Variants in ZNF536 observed in about 807,000 individuals in gnomAD.
ZNF536 encodes zinc finger protein 536.
ZNF536 carries 13 observed loss-of-function variants against 84.5 expected under a neutral mutation model. The observed-to-expected ratio is 0.15, with a 90% CI of 0.10 to 0.24. ZNF536 has a LOEUF of 0.24. Ranked by LOEUF, ZNF536 falls within the 10% of genes least tolerant of loss-of-function variation. The pLI, the probability that ZNF536 is intolerant of heterozygous loss-of-function variation, is 1.00. For synonymous variants in ZNF536, 811 were observed against 742.5 expected (o/e 1.09, Z -1.50); for missense variants, 1,536 against 1,747.5 (o/e 0.88, Z 2.16).
chr19:30,440,311 G>A (rs573333988), intron 1 of ZNF536, among the ~76,000 whole-genome samples: 1 of 152,118 alleles, frequency 6.6e-6, no homozygotes, highest in Non-Finnish European at 1.5e-5. Context: ...CTCAGTGGTA[G>A]CCAGGGACCC....
intron 2 of ZNF536, among the ~76,000 whole-genome samples, chr19:30,494,586 C>T (rs1388337259): frequency 1.3e-5 from 2 of 152,162 alleles, no homozygotes; most frequent in Admixed American, 1.3e-4. Context: ...TGTCATCCCT[C>T]CTTCCTTCCA....
chr19:30,269,271 G>A (rs1388095824), intron 1 of ZNF536, among the ~76,000 whole-genome samples: 1 of 152,214 alleles, frequency 6.6e-6, no homozygotes, highest in Non-Finnish European at 1.5e-5. Flanking sequence ...CCGGAGAGGA[G>A]CAGGTTGAAC....
At chr19:30,417,295 C>A (rs1300032620) in intron 1 of ZNF536, among the ~76,000 whole-genome samples, 1 of 151,780 alleles carries the variant, frequency 6.6e-6, no homozygotes, top group Non-Finnish European at 1.5e-5. Flanking sequence ...CTGTGCCCGG[C>A]CCTGATTTCA....
At chr19:30,680,407 C>G (rs2050921450) in intron 1 of ZNF536, among the ~76,000 whole-genome samples, 1 of 110,806 alleles carries the variant, frequency 9.0e-6, no homozygotes, top group Non-Finnish European at 1.7e-5. Context: ...CCCCCCTCCC[C>G]CCACCCCACA....
chr19:30,343,747 G>A (rs1453162238), intron 2 of ZNF536, among the ~76,000 whole-genome samples: 1 of 152,122 alleles, frequency 6.6e-6, no homozygotes, highest in Admixed American at 6.5e-5. Context: ...TGGACCTTTC[G>A]ATGCGAAACA....
At chr19:30,529,174 G>A (rs1939909771) in intron 2 of ZNF536, among the ~76,000 whole-genome samples, 2 of 152,130 alleles carry the variant, frequency 1.3e-5, no homozygotes, top group African/African-American at 4.8e-5. Context: ...AGTGTTTAGA[G>A]AGAATCTAGG....
intron 2 of ZNF536, among the ~76,000 whole-genome samples, chr19:30,523,388 G>A (rs894551032): frequency 6.6e-5 from 10 of 152,088 alleles, no homozygotes; most frequent in Non-Finnish European, 4.4e-5. Flanking sequence ...GACTATTCCC[G>A]TTTTGCAGAT....
intron 1 of ZNF536, among the ~76,000 whole-genome samples, chr19:30,266,843 A>AAC (rs999498170): frequency 3.3e-5 from 5 of 152,062 alleles, no homozygotes; most frequent in Non-Finnish European, 5.9e-5. Context: ...ATCATATTTT[A>AAC]ACACACACAC....
intron 1 of ZNF536, among the ~76,000 whole-genome samples, chr19:30,647,881 C>A (rs61049702): frequency 1.3e-5 from 2 of 152,164 alleles, no homozygotes; most frequent in Non-Finnish European, 2.9e-5. Context: ...CCCTGACAAC[C>A]GGTACAAGAG....
At chr19:30,708,831 G>A (rs1179441304) in intron 1 of ZNF536, among the ~76,000 whole-genome samples, 1 of 152,216 alleles carries the variant, frequency 6.6e-6, no homozygotes, top group Non-Finnish European at 1.5e-5. Context: ...GAACAAGACT[G>A]TTTTGCTAAA....
intron 2 of ZNF536, among the ~76,000 whole-genome samples, chr19:30,473,197 C>G (rs1042140812): frequency 6.0e-5 from 9 of 150,962 alleles, no homozygotes; most frequent in Non-Finnish European, 1.2e-4. Context: ...CAGAGTGAGA[C>G]TCCATCTCAT....
intron 1 of ZNF536, among the ~76,000 whole-genome samples, chr19:30,573,234 G>C: frequency 6.6e-6 from 1 of 152,172 alleles, no homozygotes; most frequent in East Asian, 1.9e-4. Flanking sequence ...GCTGGGACTT[G>C]GGGCTGTTTT....
chr19:30,278,023 G>A (rs909826179), intron 1 of ZNF536, among the ~76,000 whole-genome samples: 2 of 152,134 alleles, frequency 1.3e-5, no homozygotes, highest in Non-Finnish European at 2.9e-5. Context: ...CGCGGGCTTC[G>A]TGCTGGTGAC....
intron 1 of ZNF536, among the ~76,000 whole-genome samples, chr19:30,242,127 C>G (rs1298020674): frequency 6.6e-6 from 1 of 152,096 alleles, no homozygotes; most frequent in African/African-American, 2.4e-5. Context: ...GATGCCCTCT[C>G]CTGCCGTCCA....
chr19:30,271,305 T>TC (rs1486533363), intron 1 of ZNF536, among the ~76,000 whole-genome samples: 2 of 148,224 alleles, frequency 1.3e-5, no homozygotes, highest in East Asian at 2.0e-4. Context: ...TTTTCTTTTT[T>TC]TTTTTTTTTT....
intron 1 of ZNF536, among the ~76,000 whole-genome samples, chr19:30,264,174 G>T (rs2025373905): frequency 6.6e-6 from 1 of 152,178 alleles, no homozygotes; most frequent in African/African-American, 2.4e-5. Flanking sequence ...TTCTTAAATG[G>T]TGCTAATCAG....
intron 2 of ZNF536, among the ~76,000 whole-genome samples, chr19:30,503,453 C>T (rs1179132251): frequency 3.9e-5 from 6 of 152,178 alleles, no homozygotes; most frequent in Admixed American, 3.9e-4. Context: ...TATTTACTGA[C>T]TTGGAAAAAT....
chr19:30,483,305 A>G (rs2054162000), intron 2 of ZNF536, among the ~76,000 whole-genome samples: 3 of 152,268 alleles, frequency 2.0e-5, no homozygotes, highest in East Asian at 1.9e-4. Flanking sequence ...CCCGGAAAAC[A>G]TGGTCCTCTC....
At chr19:30,293,946 A>T (rs189208988) in intron 2 of ZNF536, among the ~76,000 whole-genome samples, 1 of 152,138 alleles carries the variant, frequency 6.6e-6, no homozygotes, top group African/African-American at 2.4e-5. Context: ...GATAGCTATT[A>T]GATTTTTTTT....
Sources: gnomAD v4.1 joint callset for allele counts (sites outside exome capture counted in the v4.1 genomes callset) on GRCh38, gnomAD v4.1.1 for gene constraint, MANE v1.5 for transcripts, NCBI Gene and HGNC (gene_info 2026-07-23, HGNC 2026-07-21) for gene names.